The following PPARG variants were observed in gnomAD, a reference collection of about 807,000 sequenced individuals.
PPARG encodes the protein peroxisome proliferator-activated receptor gamma.
PPARG carries 17 observed loss-of-function variants against 39.2 expected under a neutral mutation model. That is an observed-to-expected ratio of 0.43 (90% CI 0.30 to 0.65). PPARG has a LOEUF of 0.65. Ranked by LOEUF, PPARG falls within the 30% of genes least tolerant of loss-of-function variation. The pLI is 0.13. For synonymous variants in PPARG, 223 were observed against 215.7 expected (o/e 1.03, Z -0.30); for missense variants, 406 against 585.9 (o/e 0.69, Z 3.17).
At chr3:12,391,250 G>T (rs1235311868) in intron 4 of PPARG, among the ~76,000 whole-genome samples, 1 of 152,154 alleles carries the variant, frequency 6.6e-6, no homozygotes, top group African/African-American at 2.4e-5. Flanking sequence ...AGCAGTGAGG[G>T]AGGGGCAGAA....
At chr3:12,405,638 C>T (rs1000747628) in intron 5 of PPARG, among the ~76,000 whole-genome samples, 1 of 152,220 alleles carries the variant, frequency 6.6e-6, no homozygotes, top group African/African-American at 2.4e-5. Context: ...CGAATTCTTT[C>T]ACTTTCTCAG....
chr3:12,405,808 G>C, intron 5 of PPARG, 74 bp from the exon 6 acceptor site: 1 of 1,483,128 alleles, frequency 6.7e-7, no homozygotes, highest in Non-Finnish European at 9.4e-7. Context: ...GGGAACGAGG[G>C]CTGGGAGAGC....
intron 2 of PPARG, among the ~76,000 whole-genome samples, chr3:12,321,580 T>TGCAGATTAAC (rs1192199604): frequency 2.0e-5 from 3 of 152,196 alleles, no homozygotes; most frequent in African/African-American, 7.2e-5. Flanking sequence ...TTTGGGTTAT[T>TGCAGATTAAC]GCAGATTAAC....
intron 1 of PPARG, among the ~76,000 whole-genome samples, chr3:12,293,345 C>A (rs2046697204): frequency 6.6e-6 from 1 of 151,852 alleles, no homozygotes. Context: ...AACTATGTCA[C>A]TATTAAAAAA....
intron 2 of PPARG, among the ~76,000 whole-genome samples, chr3:12,367,496 C>T (rs142363110): frequency 1.6e-3 from 243 of 152,048 alleles, no homozygotes; most frequent in African/African-American, 5.5e-3. Context: ...TACCTCAGGA[C>T]CAGCGTAAGC....
At chr3:12,401,708 T>A (rs1180678810) in intron 5 of PPARG, among the ~76,000 whole-genome samples, 1 of 152,168 alleles carries the variant, frequency 6.6e-6, no homozygotes, top group Non-Finnish European at 1.5e-5. Flanking sequence ...TCTCACCAAA[T>A]GGGATCGATT....
chr3:12,325,677 T>TG (rs2047676015), intron 2 of PPARG, among the ~76,000 whole-genome samples: 1 of 152,024 alleles, frequency 6.6e-6, no homozygotes, highest in East Asian at 1.9e-4. Flanking sequence ...GATTTTTTTT[T>TG]TTTTTCTCAA....
chr3:12,396,180 G>A (rs541752879), intron 5 of PPARG, among the ~76,000 whole-genome samples: 1 of 151,926 alleles, frequency 6.6e-6, no homozygotes, highest in East Asian at 1.9e-4. Flanking sequence ...GGAGTACAAT[G>A]GTACAATCTT....
intron 5 of PPARG, among the ~76,000 whole-genome samples, chr3:12,402,443 A>G (rs929137338): frequency 2.6e-5 from 4 of 152,324 alleles, no homozygotes; most frequent in Admixed American, 2.0e-4. Context: ...TTAATCCATC[A>G]AACATTTATT....
intron 5 of PPARG, among the ~76,000 whole-genome samples, chr3:12,396,341 C>T (rs4135270): frequency 0.013 from 2,017 of 152,156 alleles, 54 homozygotes; most frequent in African/African-American, 0.046. Flanking sequence ...AAGATGGTCT[C>T]GAACTCCTGA....
At chr3:12,350,510 G>A (rs908892775) in intron 2 of PPARG, among the ~76,000 whole-genome samples, 1 of 152,134 alleles carries the variant, frequency 6.6e-6, no homozygotes, top group Non-Finnish European at 1.5e-5. Context: ...CTGTGTGGGG[G>A]CGTCTTTGAA....
At chr3:12,339,619 A>G (rs902425989) in intron 2 of PPARG, among the ~76,000 whole-genome samples, 3 of 152,230 alleles carry the variant, frequency 2.0e-5, no homozygotes, top group African/African-American at 2.4e-5. Flanking sequence ...GAATGGATCC[A>G]GTAACTACAG....
At chr3:12,364,222 C>G (rs1275988520) in intron 2 of PPARG, among the ~76,000 whole-genome samples, 3 of 152,194 alleles carry the variant, frequency 2.0e-5, no homozygotes, top group African/African-American at 7.2e-5. Flanking sequence ...ATTCCGTTCT[C>G]CCCCAAACTT....
chr3:12,308,486 A>G (rs1372478614), intron 1 of PPARG, among the ~76,000 whole-genome samples: 2 of 152,108 alleles, frequency 1.3e-5, no homozygotes, highest in Non-Finnish European at 2.9e-5. Flanking sequence ...ACATTGTTAA[A>G]TTTTCACAAT....
At chr3:12,308,208 A>T (rs2047126001) in intron 1 of PPARG, among the ~76,000 whole-genome samples, 2 of 152,026 alleles carry the variant, frequency 1.3e-5, no homozygotes, top group Admixed American at 6.5e-5. Context: ...GCCAGGTGTG[A>T]TGGCGCACAC....
chr3:12,362,330 C>G (rs2048872358), intron 2 of PPARG, among the ~76,000 whole-genome samples: 1 of 151,916 alleles, frequency 6.6e-6, no homozygotes, highest in East Asian at 1.9e-4. Flanking sequence ...CCAGCCTGGC[C>G]AGCATAGTGA....
chr3:12,294,668 A>G (rs2046732750), intron 1 of PPARG, among the ~76,000 whole-genome samples: 1 of 152,156 alleles, frequency 6.6e-6, no homozygotes, highest in Admixed American at 6.5e-5. Flanking sequence ...ACAGAGGCAG[A>G]AGGATCACCT....
intron 1 of PPARG, among the ~76,000 whole-genome samples, chr3:12,291,485 C>T (rs186064482): frequency 5.3e-5 from 8 of 152,124 alleles, no homozygotes; most frequent in Admixed American, 1.3e-4. Flanking sequence ...TTACTGTTTG[C>T]GTTTTCTCAA....
At chr3:12,367,654 G>A (rs772194709) in intron 2 of PPARG, among the ~76,000 whole-genome samples, 2 of 150,644 alleles carry the variant, frequency 1.3e-5, no homozygotes, top group Non-Finnish European at 3.0e-5. Context: ...TTTGAGAATA[G>A]CCTGGGCAAC....
Sources: allele counts gnomAD v4.1 joint callset (sites outside exome capture counted in the v4.1 genomes callset), GRCh38; gene constraint gnomAD v4.1.1; transcripts MANE v1.5; gene names NCBI Gene and HGNC (gene_info 2026-07-23, HGNC 2026-07-21).